The following GPC5 variants were observed in gnomAD, a reference collection of about 807,000 sequenced individuals.
GPC5 encodes the protein glypican 5.
A neutral mutation model predicts 53.9 loss-of-function variants in GPC5; 47 were observed. The observed-to-expected ratio is 0.87, with a 90% CI of 0.69 to 1.11. GPC5 has a LOEUF of 1.11. Among genes scored for constraint, GPC5 ranks in the 50% most tolerant of loss-of-function variants. The pLI, the probability that GPC5 is intolerant of heterozygous loss-of-function variation, is 0.00. For missense variants in GPC5, 748 were observed against 713.1 expected, an observed-to-expected ratio of 1.05 and a Z score of -0.56; for synonymous variants, 286 against 263.3, an observed-to-expected ratio of 1.09 and a Z score of -0.84.
At chr13:92,728,551 T>C (rs1027001814) in intron 7 of GPC5, among the ~76,000 whole-genome samples, 1 of 151,334 alleles carries the variant, frequency 6.6e-6, no homozygotes, top group Non-Finnish European at 1.5e-5. Flanking sequence ...CCTCAACATT[T>C]CTTGTATTAA....
At chr13:91,410,929 T>C (rs1877721196) in intron 1 of GPC5, among the ~76,000 whole-genome samples, 1 of 151,846 alleles carries the variant, frequency 6.6e-6, no homozygotes, top group East Asian at 2.0e-4. Flanking sequence ...GCCAACATGG[T>C]GAAACCCCGT....
chr13:91,828,854 A>C (rs1566289926), intron 5 of GPC5, among the ~76,000 whole-genome samples: 1 of 152,080 alleles, frequency 6.6e-6, no homozygotes, highest in Non-Finnish European at 1.5e-5. Context: ...AAAAAAATGT[A>C]CAAAAAAGAA....
chr13:91,757,753 A>T (rs1482538899), intron 5 of GPC5, among the ~76,000 whole-genome samples: 2 of 152,142 alleles, frequency 1.3e-5, no homozygotes, highest in Non-Finnish European at 2.9e-5. Flanking sequence ...ATTTCTTCAT[A>T]GCACTATGAA....
intron 2 of GPC5, among the ~76,000 whole-genome samples, chr13:91,579,806 T>C (rs879604276): frequency 6.6e-6 from 1 of 151,688 alleles, no homozygotes; most frequent in Admixed American, 6.6e-5. Context: ...TTTGTATTTT[T>C]AGTAAAGATG....
At chr13:92,518,606 T>C (rs189020627) in intron 7 of GPC5, among the ~76,000 whole-genome samples, 2,004 of 152,214 alleles carry the variant, frequency 0.013, 23 homozygotes, top group Non-Finnish European at 0.02. Flanking sequence ...CAGGCCTGCC[T>C]TACAAGAGGC....
intron 5 of GPC5, among the ~76,000 whole-genome samples, chr13:91,792,507 C>G (rs781450508): frequency 6.6e-6 from 1 of 152,200 alleles, no homozygotes; most frequent in Non-Finnish European, 1.5e-5. Flanking sequence ...ACCACTCTGA[C>G]TTTCACCCTT....
At chr13:92,763,110 A>T (rs1875254742) in intron 7 of GPC5, among the ~76,000 whole-genome samples, 1 of 151,016 alleles carries the variant, frequency 6.6e-6, no homozygotes, top group Non-Finnish European at 1.5e-5. Context: ...TCATAAGTTT[A>T]TTTTTCTTTT....
chr13:91,428,742 T>G (rs891815595), intron 1 of GPC5, among the ~76,000 whole-genome samples: 18 of 152,154 alleles, frequency 1.2e-4, no homozygotes, highest in Non-Finnish European at 1.9e-4. Flanking sequence ...AATTTTTTTT[T>G]TTGTTAATGT....
chr13:92,569,759 A>G (rs1882967230), intron 7 of GPC5, among the ~76,000 whole-genome samples: 1 of 152,160 alleles, frequency 6.6e-6, no homozygotes, highest in African/African-American at 2.4e-5. Context: ...TCTGCTAGAA[A>G]TTGGCCTTTT....
chr13:91,597,539 G>T (rs190583204), intron 2 of GPC5, among the ~76,000 whole-genome samples: 1 of 152,148 alleles, frequency 6.6e-6, no homozygotes, highest in African/African-American at 2.4e-5. Context: ...TGTTTATTTG[G>T]TTATGAGATT....
intron 7 of GPC5, among the ~76,000 whole-genome samples, chr13:92,719,092 A>G (rs1215492028): frequency 2.6e-5 from 4 of 151,960 alleles, no homozygotes; most frequent in Non-Finnish European, 5.9e-5. Flanking sequence ...ATTAAAAAAG[A>G]TAATAAAAGA....
chr13:92,826,941 C>T (rs1398976534), intron 7 of GPC5, among the ~76,000 whole-genome samples: 1 of 152,080 alleles, frequency 6.6e-6, no homozygotes, highest in African/African-American at 2.4e-5. Context: ...CCTCATTAAT[C>T]ATAGACATTT....
chr13:91,989,112 A>G (rs2040434652), intron 6 of GPC5, among the ~76,000 whole-genome samples: 1 of 152,168 alleles, frequency 6.6e-6, no homozygotes. Flanking sequence ...TCATTTGGGA[A>G]CCTGTTAGAT....
intron 7 of GPC5, among the ~76,000 whole-genome samples, chr13:92,534,719 C>T (rs1881669083): frequency 2.6e-5 from 4 of 151,864 alleles, no homozygotes; most frequent in African/African-American, 7.3e-5. Flanking sequence ...GTAGAGGAAA[C>T]AAAATATGAA....
intron 2 of GPC5, among the ~76,000 whole-genome samples, chr13:91,538,535 A>G (rs539345756): frequency 2.0e-5 from 3 of 152,054 alleles, no homozygotes; most frequent in South Asian, 2.1e-4. Flanking sequence ...GCTAAAAGCC[A>G]TACCAAATAG....
chr13:91,804,021 A>G (rs2038179757), intron 5 of GPC5, among the ~76,000 whole-genome samples: 1 of 151,996 alleles, frequency 6.6e-6, no homozygotes, highest in Non-Finnish European at 1.5e-5. Context: ...TACAGGGGCA[A>G]AGAGACATGG....
intron 7 of GPC5, among the ~76,000 whole-genome samples, chr13:92,664,050 C>T (rs1048611808): frequency 3.3e-5 from 5 of 151,206 alleles, no homozygotes; most frequent in African/African-American, 7.3e-5. Flanking sequence ...CCAGCCTGGG[C>T]GACAGAGTGA....
intron 2 of GPC5, among the ~76,000 whole-genome samples, chr13:91,462,419 G>A (rs909643454): frequency 2.0e-5 from 3 of 152,146 alleles, no homozygotes; most frequent in African/African-American, 4.8e-5. Flanking sequence ...AGAATAATGT[G>A]AGAGGTTTTG....
intron 3 of GPC5, among the ~76,000 whole-genome samples, chr13:91,705,750 T>C (rs1266383478): frequency 1.4e-5 from 2 of 144,638 alleles, no homozygotes; most frequent in African/African-American, 5.0e-5. Context: ...AATAAAGTAG[T>C]AACTGTTAAG....
Sources: gnomAD v4.1 joint callset for allele counts (sites outside exome capture counted in the v4.1 genomes callset) on GRCh38, gnomAD v4.1.1 for gene constraint, MANE v1.5 for transcripts, NCBI Gene and HGNC (gene_info 2026-07-23, HGNC 2026-07-21) for gene names.